Variants in UBQLN1 observed in about 807,000 individuals in gnomAD.
The protein encoded by UBQLN1 is ubiquilin 1.
UBQLN1 carries 13 observed loss-of-function variants against 65.4 expected under a neutral mutation model. The ratio of observed to expected loss-of-function variants is 0.20; its 90% CI spans 0.13 to 0.32. The LOEUF is 0.32. Ranked by LOEUF, UBQLN1 falls within the 10% of genes least tolerant of loss-of-function variation. The probability of loss-of-function intolerance (pLI) is 1.00; values close to 1 mark genes in which losing one functional copy is unlikely to be tolerated. For synonymous variants in UBQLN1, 267 were observed against 247.8 expected (o/e 1.08, Z -0.73); for missense variants, 561 against 724.0 (o/e 0.77, Z 2.58).
At chr9:83,707,470 C>G (rs749461257) in intron 1 of UBQLN1, 30 bp downstream of exon 1, 19 of 1,590,928 alleles carry the variant, frequency 1.2e-5, no homozygotes, top group Non-Finnish European at 1.5e-5. Flanking sequence ...CCGCCACCCC[C>G]ATCCCGGCCC....
At chr9:83,677,591 C>G in intron 6 of UBQLN1, 136 bp downstream of exon 6, 1 of 622,390 alleles carries the variant, frequency 1.6e-6, no homozygotes, top group South Asian at 2.9e-5. Context: ...AAAACAAAAG[C>G]AACATGAAAA....
At chr9:83,675,566 A>G (rs993513093) in intron 6 of UBQLN1, among the ~76,000 whole-genome samples, 1 of 152,198 alleles carries the variant, frequency 6.6e-6, no homozygotes, top group Non-Finnish European at 1.5e-5. Context: ...TTCAGACCTC[A>G]ATGCAAATGC....
intron 6 of UBQLN1, among the ~76,000 whole-genome samples, chr9:83,677,128 G>C (rs371834144): frequency 6.6e-6 from 1 of 152,158 alleles, no homozygotes; most frequent in Non-Finnish European, 1.5e-5. Context: ...ACCTCAAGAC[G>C]GGTGCTTGAC....
In UBQLN1 at chr9:83,707,386, G is replaced by A. The variant is rs905719379; in HGVS notation, c.180+114C>T. Reference sequence around the variant, plus strand: ...TGTGATCTAATTTGGGACGACGCCCGGGAGAATGGCCGAGGACGACCCCTC... The same window carrying A: ...TGTGATCTAATTTGGGACGACGCCCAGGAGAATGGCCGAGGACGACCCCTC... On this transcript the variant is annotated intron_variant, in intron 1 of 10. Coordinates refer to ENST00000376395, the MANE Select transcript of UBQLN1 (RefSeq NM_013438.5). 1.4e-5 allele frequency: 17 copies of A among 1,187,340 alleles called. No homozygotes were observed. The South Asian group carries it at 1.8e-4, about 12-fold the overall frequency. 73.6% of individuals were successfully genotyped at this position (1,187,340 alleles called of 1,614,324 possible). A position where few individuals can be genotyped will look rare whatever the true frequency, so the allele number is the denominator to read the frequency against.
At chr9:83,668,271 A>T (rs1831674552) in intron 7 of UBQLN1, 2 of 984,552 alleles carry the variant, frequency 2.0e-6, no homozygotes, top group Non-Finnish European at 2.4e-6. Context: ...GAATCAATAT[A>T]GTTTTAGAAT....
intron 6 of UBQLN1, among the ~76,000 whole-genome samples, chr9:83,675,111 G>C (rs1477166582): frequency 2.0e-5 from 3 of 152,142 alleles, no homozygotes; most frequent in African/African-American, 7.2e-5. Context: ...AACTTAACCA[G>C]TCAACTTCAT....
chr9:83,668,191 T>C (rs1831673515), intron 7 of UBQLN1: 2 of 985,228 alleles, frequency 2.0e-6, no homozygotes, highest in East Asian at 1.1e-4. Context: ...TTCTTAAAAT[T>C]TGTTATTTCC....
intron 6 of UBQLN1, among the ~76,000 whole-genome samples, chr9:83,672,963 G>A (rs903911374): frequency 2.6e-5 from 4 of 152,224 alleles, no homozygotes; most frequent in Non-Finnish European, 5.9e-5. Flanking sequence ...CAGGCATGGT[G>A]GTTCACACCT....
chr9:83,662,327 T>C (rs1831574828), intron 10 of UBQLN1, among the ~76,000 whole-genome samples: 1 of 147,470 alleles, frequency 6.8e-6, no homozygotes, highest in Admixed American at 6.8e-5. Context: ...TAGTTCAGAA[T>C]TAGATGATTT....
At chr9:83,688,740 A>T (rs1470885027) in intron 1 of UBQLN1, among the ~76,000 whole-genome samples, 1 of 152,052 alleles carries the variant, frequency 6.6e-6, no homozygotes, top group Non-Finnish European at 1.5e-5. Context: ...GCATGTCTGT[A>T]ATCCCAGCTA....
rs764818603 is a variant in UBQLN1, at chr9:83,686,141, G to A, written c.195C>T (p.Ile65=). 1.3e-6 allele frequency: 2 copies of A among 1,577,166 alleles called. No homozygotes were observed. The highest frequency in any genetic ancestry group is 3.9e-5 in the Admixed American group (2 of 51,580). The change falls in exon 2 of 11, where the codon ATC becomes ATT. Residue 65 remains isoleucine (I), a synonymous_variant. Transcript: ENST00000376395. ...CAGTATGTGATTTAAAACGTTTAGAGATTTCTTCCTTAAACTAAATAAAAA... is the reference window on the plus strand; with the variant it reads ...CAGTATGTGATTTAAAACGTTTAGAAATTTCTTCCTTAAACTAAATAAAAA... ...NSSVQQFKEE[I]SKRFKSHTDQ...
intron 10 of UBQLN1, among the ~76,000 whole-genome samples, chr9:83,663,074 A>G (rs1162826958): frequency 6.6e-6 from 1 of 151,410 alleles, no homozygotes; most frequent in African/African-American, 2.4e-5. Context: ...GGGAAAGAAA[A>G]AAAAAAAAGG....
At chr9:83,690,163 T>C (rs1832102985) in intron 1 of UBQLN1, among the ~76,000 whole-genome samples, 1 of 152,188 alleles carries the variant, frequency 6.6e-6, no homozygotes, top group South Asian at 2.1e-4. Context: ...TTTGAACCAA[T>C]ATTACTTGTA....
chr9:83,702,831 CAAAG>C (rs1832333956), intron 1 of UBQLN1, among the ~76,000 whole-genome samples: 1 of 152,100 alleles, frequency 6.6e-6, no homozygotes, highest in Non-Finnish European at 1.5e-5. Context: ...GTTGCCTTAT[CAAAG>C]AAAGGCTCAA....
intron 4 of UBQLN1, among the ~76,000 whole-genome samples, chr9:83,679,347 T>G (rs1009666370): frequency 7.9e-5 from 12 of 152,210 alleles, no homozygotes; most frequent in South Asian, 6.2e-4. Context: ...AAATGAGGTG[T>G]TGTCTGATTC....
At chr9:83,670,408 A>G (rs1025411103) in intron 6 of UBQLN1, among the ~76,000 whole-genome samples, 6 of 151,942 alleles carry the variant, frequency 3.9e-5, no homozygotes, top group Admixed American at 2.6e-4. Context: ...CTAGAGTCCA[A>G]CCTTGGAGAT....
chr9:83,661,993 C>A, intron 10 of UBQLN1, 54 bp from the exon 11 acceptor site: 1 of 1,536,162 alleles, frequency 6.5e-7, no homozygotes, highest in Non-Finnish European at 8.8e-7. Context: ...GTCCCTGCCA[C>A]ACATGACTTT....
At position 83,665,376 on chromosome 9, in the gene UBQLN1, A is replaced by G. The variant is rs1218171162; in HGVS notation, c.1333-231T>C. ...TAAGTCCATCATGAAAGCCATTTCC[A>G]TAATGGAAGAAAATCAGGAGCTACT... On this transcript the variant is annotated intron_variant, in intron 8 of 10. Transcript: ENST00000376395. 10 of 376,488 alleles carry G rather than the reference A, an allele frequency of 2.7e-5. No individual in the cohort carries two copies. The Admixed American group carries it at 3.6e-4, about 14-fold the overall frequency. The allele number at this position is 376,488 out of a possible 1,614,324, so 23.3% of individuals were successfully genotyped here.
chr9:83,704,373 A>C (rs1322221743), intron 1 of UBQLN1, among the ~76,000 whole-genome samples: 4 of 152,214 alleles, frequency 2.6e-5, no homozygotes, highest in African/African-American at 9.7e-5. Flanking sequence ...TTTCCCTTGC[A>C]TATACAAAGC....
Sources: gnomAD v4.1 joint callset for allele counts (sites outside exome capture counted in the v4.1 genomes callset) on GRCh38, gnomAD v4.1.1 for gene constraint, MANE v1.5 for transcripts, NCBI Gene and HGNC (gene_info 2026-07-23, HGNC 2026-07-21) for gene names.